The following EPHA3 variants were observed in gnomAD, a reference collection of about 807,000 sequenced individuals.
The protein encoded by EPHA3 is EPH receptor A3.
In EPHA3, 42 loss-of-function variants were observed where a neutral mutation model predicts 107.1. That is an observed-to-expected ratio of 0.39 (90% CI 0.31 to 0.51). The LOEUF is 0.51. Ranked by LOEUF, EPHA3 falls within the 20% of genes least tolerant of loss-of-function variation. The pLI is 0.78. For missense variants in EPHA3, 1,183 were observed against 1,211.2 expected (o/e 0.98, Z 0.35); for synonymous variants, 461 against 424.8 (o/e 1.09, Z -1.05).
chr3:89,138,527 C>A (rs1210731710), intron 2 of EPHA3, among the ~76,000 whole-genome samples: 1 of 151,930 alleles, frequency 6.6e-6, no homozygotes, highest in African/African-American at 2.4e-5. Flanking sequence ...TGACTATTAA[C>A]TGTTCCTAGA....
intron 5 of EPHA3, among the ~76,000 whole-genome samples, chr3:89,361,372 T>C (rs1708087558): frequency 6.6e-6 from 1 of 150,848 alleles, no homozygotes; most frequent in South Asian, 2.1e-4. Context: ...GTACATGATA[T>C]ATTTATTTTT....
intron 3 of EPHA3, among the ~76,000 whole-genome samples, chr3:89,319,883 T>G (rs915422126): frequency 5.9e-5 from 9 of 152,000 alleles, no homozygotes; most frequent in African/African-American, 2.2e-4. Context: ...TCTGGAAACT[T>G]TTAAAACTCG....
At chr3:89,118,005 C>G (rs1351222889) in intron 1 of EPHA3, among the ~76,000 whole-genome samples, 1 of 151,836 alleles carries the variant, frequency 6.6e-6, no homozygotes, top group Non-Finnish European at 1.5e-5. Flanking sequence ...TCTATAAACA[C>G]CACCAAATCT....
At position 89,450,339 on chromosome 3, in the gene EPHA3, A is replaced by T. The variant is rs2107555416; in HGVS notation, c.2659A>T (p.Ser887Cys). The T allele has an allele frequency of 1.2e-6, 2 of 1,613,652 alleles. No individual in the cohort carries two copies. The highest frequency in any genetic ancestry group is 2.2e-5 in the East Asian group (1 of 44,860). The change falls in exon 15 of 17, where the codon AGC (serine) becomes TGC (cysteine). Residue 887 changes from serine to cysteine, a missense_variant. By Grantham distance (112) the Ser-to-Cys change is moderately radical. Coordinates refer to ENST00000336596, the MANE Select transcript of EPHA3 (RefSeq NM_005233.6). The stretch of plus-strand genomic sequence containing the variant: ...GGACAAGCTTATCCGGAATCCCGGC[A>T]GCCTGAAGATCATCACCAGTGCAGC... ...ILDKLIRNPG[S>C]LKIITSAAAR...
At chr3:89,116,400 C>G (rs1329449480) in intron 1 of EPHA3, among the ~76,000 whole-genome samples, 1 of 151,722 alleles carries the variant, frequency 6.6e-6, no homozygotes, top group African/African-American at 2.4e-5. Context: ...GGAAATTTCC[C>G]CCCGTTTAAA....
rs191045044 is a variant in EPHA3, at chr3:89,108,787, C to T, written c.88+951C>T. ...TGATCTATTCTTGTGAATACAGTCACTAACTCGTAAAACAAACTTCTCTAA... is the reference window on the plus strand; with the variant it reads ...TGATCTATTCTTGTGAATACAGTCATTAACTCGTAAAACAAACTTCTCTAA... On this transcript the variant is annotated intron_variant, in intron 1 of 16. Coordinates refer to ENST00000336596, the MANE Select transcript of EPHA3 (RefSeq NM_005233.6). 1.5e-3 allele frequency among the ~76,000 whole-genome samples: 228 copies of T among 152,280 alleles called. 1 individual carries two copies. The highest frequency in any genetic ancestry group is 5.3e-3 in the African/African-American group (219 of 41,560).
At position 89,359,671 on chromosome 3, in the gene EPHA3, T is replaced by C. The variant is rs776456802; in HGVS notation, c.1306+17581T>C. Among the ~76,000 whole-genome samples, 139 of 127,990 alleles carry C rather than the reference T, an allele frequency of 1.1e-3. 4 individuals are homozygous for C. Among genetic ancestry groups the C allele is most frequent in the Non-Finnish European group, 1.6e-3 (90 of 55,260 alleles). 84.0% of individuals were successfully genotyped at this position (127,990 alleles called of 152,430 possible). On this transcript the variant is annotated intron_variant, in intron 5 of 16. Transcript: ENST00000336596. The stretch of plus-strand genomic sequence containing the variant: ...TTTAGATGAACTGGCAAACATTATA[T>C]ATTGTGTGTGTGTGTGTATATACGT...
At chr3:89,461,149 T>C (rs1184720374) in intron 15 of EPHA3, among the ~76,000 whole-genome samples, 46 of 90,442 alleles carry the variant, frequency 5.1e-4, no homozygotes, top group South Asian at 6.9e-4. Context: ...CTACAAAGGA[T>C]ATGAACTCAT....
intron 5 of EPHA3, among the ~76,000 whole-genome samples, chr3:89,351,779 A>G (rs1707826303): frequency 6.6e-6 from 1 of 151,248 alleles, no homozygotes; most frequent in Non-Finnish European, 1.5e-5. Flanking sequence ...ACTTTTGTTC[A>G]TTGTTTCACT....
At chr3:89,108,915 A>G (rs1309749727) in intron 1 of EPHA3, among the ~76,000 whole-genome samples, 2 of 152,188 alleles carry the variant, frequency 1.3e-5, no homozygotes, top group African/African-American at 4.8e-5. Flanking sequence ...AGTTAACAAT[A>G]CCGAGCAACT....
chr3:89,306,400 C>A lies in EPHA3; in HGVS notation c.815-34516C>A, dbSNP rs111265258. ...CTCTATTGAAATCATCATGAAAGAC[C>A]AAAGTAGAAAGCATTAGATGATGCT... On this transcript the variant is annotated intron_variant, in intron 3 of 16. Coordinates refer to ENST00000336596, the MANE Select transcript of EPHA3 (RefSeq NM_005233.6). Among the ~76,000 whole-genome samples the A allele has an allele frequency of 5.9e-3, 896 of 152,102 alleles. 7 individuals are homozygous for A. Among genetic ancestry groups the A allele is most frequent in the African/African-American group, 0.021 (860 of 41,498 alleles).
chr3:89,116,344 T>C (rs1409813635), intron 1 of EPHA3, among the ~76,000 whole-genome samples: 1 of 152,146 alleles, frequency 6.6e-6, no homozygotes, highest in African/African-American at 2.4e-5. Flanking sequence ...AGGTCAGTAA[T>C]AGGAGAAAAT....
In EPHA3 at chr3:89,480,081, T is replaced by C. The variant is rs925546582; in HGVS notation, c.*579T>C. 1.7e-5 allele frequency: 4 copies of C among 232,818 alleles called. No individual in the cohort carries two copies. Among genetic ancestry groups the C allele is most frequent in the African/African-American group, 8.8e-5 (4 of 45,348 alleles). 14.4% of individuals were successfully genotyped at this position (232,818 alleles called of 1,614,324 possible). A position where few individuals can be genotyped will look rare whatever the true frequency, so the allele number is the denominator to read the frequency against. ...TAAGTACTACACATTTTTAAATTGT[T>C]AGCTTCCTTAAGTATATCATGTAAA... On this transcript the variant is annotated 3_prime_UTR_variant, in exon 17 of 17. Coordinates refer to ENST00000336596, the MANE Select transcript of EPHA3 (RefSeq NM_005233.6).
intron 5 of EPHA3, among the ~76,000 whole-genome samples, chr3:89,354,883 AG>A (rs1387971057): frequency 1.3e-5 from 2 of 151,082 alleles, no homozygotes; most frequent in Non-Finnish European, 3.0e-5. Context: ...ACAAAATCTA[AG>A]TAAGGCTGAA....
chr3:89,359,381 G>A (rs775424635), intron 5 of EPHA3, among the ~76,000 whole-genome samples: 1 of 150,436 alleles, frequency 6.6e-6, no homozygotes, highest in African/African-American at 2.4e-5. Flanking sequence ...AAGTAAAAAC[G>A]ATTAAAATGA....
intron 10 of EPHA3, among the ~76,000 whole-genome samples, chr3:89,417,288 C>A: frequency 6.6e-6 from 1 of 151,442 alleles, no homozygotes; most frequent in East Asian, 1.9e-4. Context: ...GGACCCGAAG[C>A]AATTCGGCTG....
chr3:89,423,795 G>A (rs1709399564), intron 11 of EPHA3, among the ~76,000 whole-genome samples: 3 of 151,334 alleles, frequency 2.0e-5, no homozygotes, highest in South Asian at 4.1e-4. Context: ...GAAAAGTGTG[G>A]TATTGTGTAT....
chr3:89,374,596 A>C (rs1708367344), intron 5 of EPHA3, among the ~76,000 whole-genome samples: 1 of 151,822 alleles, frequency 6.6e-6, no homozygotes, highest in Non-Finnish European at 1.5e-5. Flanking sequence ...TCAAAGAACA[A>C]GAACTTGAGG....
chr3:89,363,538 A>G (rs945630735), intron 5 of EPHA3, among the ~76,000 whole-genome samples: 1 of 150,874 alleles, frequency 6.6e-6, no homozygotes, highest in Admixed American at 6.7e-5. Context: ...TGCTTTACTC[A>G]AAAGTGTGCC....
Sources: gnomAD v4.1 joint callset for allele counts (sites outside exome capture counted in the v4.1 genomes callset) on GRCh38, gnomAD v4.1.1 for gene constraint, MANE v1.5 for transcripts, NCBI Gene and HGNC (gene_info 2026-07-23, HGNC 2026-07-21) for gene names.